CTNNA2: variants seen among roughly 807,000 people sequenced by gnomAD.
The protein encoded by CTNNA2 is catenin alpha 2.
A neutral mutation model predicts 101.0 loss-of-function variants in CTNNA2; 42 were observed. That is an observed-to-expected ratio of 0.42 (90% CI 0.32 to 0.54). The LOEUF (loss-of-function observed/expected upper bound fraction) is 0.54, where lower values mean the gene tolerates loss of function less well. Among genes scored for constraint, CTNNA2 ranks in the 20% least tolerant of loss-of-function variants. The probability of loss-of-function intolerance (pLI) is 0.14; values close to 1 mark genes in which losing one functional copy is unlikely to be tolerated. For synonymous variants in CTNNA2, 450 were observed against 456.4 expected (o/e 0.99, Z 0.18); for missense variants, 871 against 1,223.1 (o/e 0.71, Z 4.29).
At chr2:79,335,056 T>A (rs926784211) in intron 3 of CTNNA2, among the ~76,000 whole-genome samples, 1 of 152,150 alleles carries the variant, frequency 6.6e-6, no homozygotes, top group African/African-American at 2.4e-5. Flanking sequence ...TGCTGCAACT[T>A]CTACTTCTTC....
intron 7 of CTNNA2, among the ~76,000 whole-genome samples, chr2:80,293,907 G>T (rs1675490741): frequency 1.3e-5 from 2 of 152,124 alleles, no homozygotes; most frequent in Admixed American, 1.3e-4. Context: ...CTTGGGATTG[G>T]GGTGGAGACA....
At chr2:80,346,339 G>C (rs891871546) in intron 7 of CTNNA2, among the ~76,000 whole-genome samples, 2 of 147,192 alleles carry the variant, frequency 1.4e-5, no homozygotes, top group Admixed American at 6.7e-5. Flanking sequence ...AAGGTGAAGT[G>C]GGAGCAGGCA....
chr2:79,962,776 T>C (rs750435357), intron 7 of CTNNA2, among the ~76,000 whole-genome samples: 2 of 152,134 alleles, frequency 1.3e-5, no homozygotes, highest in African/African-American at 2.4e-5. Flanking sequence ...AATGAATTAA[T>C]GTTACACAAA....
At chr2:80,390,260 C>G (rs1677384988) in intron 7 of CTNNA2, among the ~76,000 whole-genome samples, 1 of 152,222 alleles carries the variant, frequency 6.6e-6, no homozygotes, top group Non-Finnish European at 1.5e-5. Context: ...CTCTTCTGAG[C>G]AACTCAGTCA....
At position 79,939,237 on chromosome 2, in the gene CTNNA2, T is replaced by G. The variant is rs184775560; in HGVS notation, c.1056+29440T>G. Among the ~76,000 whole-genome samples, 641 of 152,334 alleles carry G rather than the reference T, an allele frequency of 4.2e-3. 2 individuals are homozygous for G. The highest frequency in any genetic ancestry group is 0.015 in the African/African-American group (611 of 41,562). ...ATGTCTGAGTGTGTTGAGTGCCTGA[T>G]TGTGTAGACATGGGTAGCTGAAGTA... On this transcript the variant is annotated intron_variant, in intron 7 of 18. Coordinates refer to ENST00000402739, the MANE Select transcript of CTNNA2 (RefSeq NM_001282597.3).
At chr2:79,458,448 G>T (rs1670847202) in intron 4 of CTNNA2, among the ~76,000 whole-genome samples, 1 of 152,128 alleles carries the variant, frequency 6.6e-6, no homozygotes, top group South Asian at 2.1e-4. Flanking sequence ...TTGCCAGATA[G>T]TGGTTGTCTG....
intron 2 of CTNNA2, among the ~76,000 whole-genome samples, chr2:79,302,972 C>T (rs1676147769): frequency 6.6e-6 from 1 of 152,148 alleles, no homozygotes; most frequent in Non-Finnish European, 1.5e-5. Flanking sequence ...ACCAACTTGA[C>T]CACAAAAACA....
intron 4 of CTNNA2, among the ~76,000 whole-genome samples, chr2:79,421,288 TAA>T (rs1287981434): frequency 6.6e-6 from 1 of 152,172 alleles, no homozygotes; most frequent in East Asian, 1.9e-4. Context: ...AATTTTTCAT[TAA>T]GTGATGAGAG....
intron 7 of CTNNA2, among the ~76,000 whole-genome samples, chr2:80,318,778 C>T (rs1559001878): frequency 6.6e-6 from 1 of 152,070 alleles, no homozygotes; most frequent in Non-Finnish European, 1.5e-5. Flanking sequence ...TGAAGCTGGG[C>T]CTTTCAACAG....
chr2:79,452,113 TA>T (rs1221123909), intron 4 of CTNNA2, among the ~76,000 whole-genome samples: 2 of 152,136 alleles, frequency 1.3e-5, no homozygotes, highest in Non-Finnish European at 2.9e-5. Context: ...AACATTAAAT[TA>T]GTTTGCAAGA....
In CTNNA2 at chr2:79,800,509, A is replaced by G. The variant is rs118124315; in HGVS notation, c.298+55927A>G. On this transcript the variant is annotated intron_variant, in intron 3 of 18. Transcript: ENST00000402739. The stretch of plus-strand genomic sequence containing the variant: ...AATTGAAAAATACAGGAAATGCTAA[A>G]AAAAAGTCAGCTCAGATAATATTGA... Among the ~76,000 whole-genome samples the G allele has an allele frequency of 5.3e-4, 80 of 152,310 alleles. 1 individual carries two copies. The East Asian group carries it at 0.015, about 29-fold the overall frequency.
At chr2:79,235,898 G>A (rs1336313882) in intron 2 of CTNNA2, among the ~76,000 whole-genome samples, 2 of 152,144 alleles carry the variant, frequency 1.3e-5, no homozygotes, top group African/African-American at 4.8e-5. Flanking sequence ...CACCTTCCCT[G>A]CTGTCTGGAT....
chr2:79,860,366 C>T (rs1258312394), intron 4 of CTNNA2, among the ~76,000 whole-genome samples: 2 of 152,032 alleles, frequency 1.3e-5, no homozygotes, highest in African/African-American at 4.8e-5. Context: ...GCCTACACTC[C>T]ACACTCGAGA....
At position 79,979,990 on chromosome 2, in the gene CTNNA2, C is replaced by T. The variant is rs376309163; in HGVS notation, c.1056+70193C>T. 1.5e-4 allele frequency among the ~76,000 whole-genome samples: 23 copies of T among 152,262 alleles called. No homozygotes were observed. In the East Asian group the frequency reaches 3.5e-3, roughly 23 times the overall value. ...CATCTATAACTGGAGATGTTGCATC[C>T]GATGACCTCTAAGTGCTTCTCCATC... On this transcript the variant is annotated intron_variant, in intron 7 of 18. Transcript: ENST00000402739.
intron 7 of CTNNA2, among the ~76,000 whole-genome samples, chr2:80,133,924 C>A (rs1047925988): frequency 6.6e-6 from 1 of 152,032 alleles, no homozygotes; most frequent in African/African-American, 2.4e-5. Context: ...ACTCTGTGAC[C>A]CCTGTTCCTC....
chr2:79,695,827 T>A (rs1000031039), intron 2 of CTNNA2, among the ~76,000 whole-genome samples: 2 of 152,018 alleles, frequency 1.3e-5, no homozygotes, highest in African/African-American at 4.8e-5. Flanking sequence ...AACTCAGTTT[T>A]CAAGATTACT....
chr2:79,964,576 A>G (rs1689893719), intron 7 of CTNNA2, among the ~76,000 whole-genome samples: 1 of 152,202 alleles, frequency 6.6e-6, no homozygotes, highest in African/African-American at 2.4e-5. Context: ...TTATGAAAAA[A>G]AGATGTGCCT....
At chr2:79,252,766 A>C (rs982085408) in intron 2 of CTNNA2, among the ~76,000 whole-genome samples, 1 of 151,520 alleles carries the variant, frequency 6.6e-6, no homozygotes, top group Admixed American at 6.6e-5. Flanking sequence ...GTATATCAAC[A>C]TGCCCCCCCA....
At chr2:79,199,262 AC>A (rs1445828294) in intron 2 of CTNNA2, among the ~76,000 whole-genome samples, 1 of 152,078 alleles carries the variant, frequency 6.6e-6, no homozygotes, top group Non-Finnish European at 1.5e-5. Context: ...TTCCTGCACC[AC>A]CCCTCTCTAC....
Sources: allele counts gnomAD v4.1 joint callset (sites outside exome capture counted in the v4.1 genomes callset), GRCh38; gene constraint gnomAD v4.1.1; transcripts MANE v1.5; gene names NCBI Gene and HGNC (gene_info 2026-07-23, HGNC 2026-07-21).